DNAH5: variants seen among roughly 807,000 people sequenced by gnomAD.
DNAH5 encodes axonemal beta dynein heavy chain 5.
In DNAH5, 372 loss-of-function variants were observed where a neutral mutation model predicts 518.2. That is an observed-to-expected ratio of 0.72 (90% CI 0.66 to 0.78). The LOEUF (loss-of-function observed/expected upper bound fraction) is 0.78, where lower values mean the gene tolerates loss of function less well. Ranked by LOEUF, DNAH5 falls within the 30% of genes least tolerant of loss-of-function variation. The pLI, the probability that DNAH5 is intolerant of heterozygous loss-of-function variation, is 0.00. For synonymous variants in DNAH5, 2,039 were observed against 2,025.9 expected (o/e 1.01, Z -0.17); for missense variants, 5,523 against 5,687.0 (o/e 0.97, Z 0.93).
In DNAH5 at chr5:13,770,867, A is replaced by G; in HGVS notation, c.9487T>C (p.Tyr3163His). The G allele has an allele frequency of 2.5e-6, 4 of 1,614,060 alleles. No individual in the cohort carries two copies. Among genetic ancestry groups the G allele is most frequent in the South Asian group, 1.1e-5 (1 of 91,078 alleles). Residue 3163 changes from tyrosine (Y) to histidine (H), a missense_variant, in exon 56 of 79, where the codon TAT (tyrosine) becomes CAT (histidine). Physicochemically the swap from Tyr to His is moderately conservative, Grantham distance 83. Coordinates refer to ENST00000265104, the MANE Select transcript of DNAH5 (RefSeq NM_001369.3). ...GTAGAACGTCGGAATCTCTGAAAAT[A>G]ATCAACACACTTCTCAGCCACCCCA... is the stretch of plus-strand genomic sequence containing the variant. ...QDGVAEKCVDYFQRFRRSTHV... is the reference protein window; with the variant it reads ...QDGVAEKCVDHFQRFRRSTHV...
At chr5:13,843,015 T>G (rs772482505) in intron 32 of DNAH5, among the ~76,000 whole-genome samples, 1 of 152,224 alleles carries the variant, frequency 6.6e-6, no homozygotes, top group African/African-American at 2.4e-5. Context: ...TGGGCCATGA[T>G]GTCCTAGTGC....
intron 1 of DNAH5, among the ~76,000 whole-genome samples, chr5:13,943,359 A>T (rs1286437642): frequency 6.6e-6 from 1 of 152,250 alleles, no homozygotes; most frequent in Non-Finnish European, 1.5e-5. Context: ...CACTACAGTG[A>T]TGTGACAAGG....
intron 39 of DNAH5, 67 bp downstream of exon 39, chr5:13,824,132 C>T (rs757968186): frequency 3.0e-5 from 44 of 1,480,562 alleles, no homozygotes; most frequent in Non-Finnish European, 4.1e-5. Context: ...ATTTTGAAGT[C>T]TCATGTATGG....
intron 35 of DNAH5, among the ~76,000 whole-genome samples, chr5:13,836,435 A>G (rs1039980329): frequency 6.6e-6 from 1 of 152,172 alleles, no homozygotes; most frequent in Non-Finnish European, 1.5e-5. Context: ...AACGAGTAGG[A>G]GCAGGTACAA....
chr5:13,716,517 G>A lies in DNAH5; in HGVS notation c.12879C>T (p.Ser4293=), dbSNP rs773544560. Residue 4293 remains serine, a synonymous_variant, in exon 74 of 79, where the codon AGC becomes AGT. Coordinates refer to ENST00000265104, the MANE Select transcript of DNAH5 (RefSeq NM_001369.3). The part of the protein sequence containing the change: ...FYQGYNIPKC[S]TVDNYLQYIQ... ...TATACTGAAGATAGTTATCCACTGTGCTGCATTTTGGAATATTGTATCCTT... is the reference window on the plus strand; with the variant it reads ...TATACTGAAGATAGTTATCCACTGTACTGCATTTTGGAATATTGTATCCTT... The A allele has an allele frequency of 3.1e-6, 5 of 1,613,624 alleles. No homozygotes were observed. Among genetic ancestry groups the A allele is most frequent in the Non-Finnish European group, 3.4e-6 (4 of 1,179,740 alleles).
At chr5:13,696,281 A>G (rs74567755) in intron 78 of DNAH5, among the ~76,000 whole-genome samples, 3,166 of 152,276 alleles carry the variant, frequency 0.021, 124 homozygotes, top group African/African-American at 0.072. Flanking sequence ...CTGCTCATAT[A>G]ATAAATCTGT....
intron 1 of DNAH5, among the ~76,000 whole-genome samples, chr5:13,985,886 A>C (rs1783020371): frequency 6.6e-6 from 1 of 152,166 alleles, no homozygotes; most frequent in African/African-American, 2.4e-5. Context: ...TGTGCCAATG[A>C]CTAATCTCCA....
At chr5:13,848,108 G>A (rs1378503539) in intron 31 of DNAH5, among the ~76,000 whole-genome samples, 2 of 152,172 alleles carry the variant, frequency 1.3e-5, no homozygotes, top group African/African-American at 4.8e-5. Flanking sequence ...TAGGCTAAAT[G>A]GAATGGCGCA....
intron 1 of DNAH5, among the ~76,000 whole-genome samples, chr5:13,993,666 G>T (rs1248528725): frequency 6.6e-6 from 1 of 152,206 alleles, no homozygotes; most frequent in African/African-American, 2.4e-5. Context: ...TTCCAAAAAA[G>T]CTTCACATGC....
chr5:13,830,732 C>T lies in DNAH5; in HGVS notation c.5926G>A (p.Gly1976Arg). ...GTGCCTGCAGGTCCAGCAGGGGCTCCCCCCATGCTCATTCCCAGAGCTTGA... is the reference window on the plus strand; with the variant it reads ...GTGCCTGCAGGTCCAGCAGGGGCTCTCCCCATGCTCATTCCCAGAGCTTGA... The part of the protein sequence containing the change: ...LAQALGMSMG[G>R]APAGPAGTGK... Residue 1976 changes from glycine to arginine, a missense_variant, in exon 36 of 79, where the codon GGA (glycine) becomes AGA (arginine). By Grantham distance (125) the Gly-to-Arg change is moderately radical. Around this residue, in one of 3 missense-constraint regions of DNAH5, gnomAD observed 5,121 missense variants for 5,223.3 expected, o/e 0.98. Transcript: ENST00000265104. The T allele has an allele frequency of 2.5e-6, 4 of 1,614,120 alleles. No homozygotes were observed. Among genetic ancestry groups the T allele is most frequent in the Non-Finnish European group, 3.4e-6 (4 of 1,180,016 alleles).
chr5:13,752,001 T>C lies in DNAH5; in HGVS notation c.11028+133A>G, dbSNP rs1038792858. ...TATTTTAATCCAAAGTCAAGAAGTG[T>C]AGAAGAGAAAAACAAACCTTTCCCA... On this transcript the variant is annotated intron_variant, in intron 64 of 78. Transcript: ENST00000265104. 7.6e-6 allele frequency: 7 copies of C among 919,830 alleles called. No homozygotes were observed. In the African/African-American group the frequency reaches 9.8e-5, roughly 13 times the overall value. The allele number at this position is 919,830 out of a possible 1,614,324, so 57.0% of individuals were successfully genotyped here.
chr5:13,769,442 TA>T, intron 57 of DNAH5, 58 bp downstream of exon 57: 1 of 1,351,838 alleles, frequency 7.4e-7, no homozygotes, highest in Admixed American at 1.7e-5. Context: ...CATAGATCAT[TA>T]ACACTTGTGA....
At chr5:13,791,929 A>T in intron 50 of DNAH5, 65 bp downstream of exon 50, 1 of 1,356,068 alleles carries the variant, frequency 7.4e-7, no homozygotes, top group Non-Finnish European at 1.0e-6. Flanking sequence ...ATAAATCAAT[A>T]AAAATATTTA....
In DNAH5 at chr5:13,839,497, A is replaced by G. The variant is rs1764870807; in HGVS notation, c.5741T>C (p.Phe1914Ser). 1 of 1,613,962 alleles carries G rather than the reference A, an allele frequency of 6.2e-7. No individual in the cohort carries two copies. The highest frequency in any genetic ancestry group is 1.3e-5 in the African/African-American group (1 of 74,942). ...AAATCTGCACTGTTTCAGCCACTCA[A>G]AGTCCATGGGACTCTTGATATGCAT... ...CHMHIKSPMD[F>S]EWLKQCRFYF... is the part of the protein sequence containing the mutation. Residue 1914 changes from phenylalanine to serine, a missense_variant, in exon 35 of 79, where the codon TTT becomes TCT. Phe to Ser is a radical substitution (Grantham distance 155, BLOSUM62 -2). Around this residue, in one of 3 missense-constraint regions of DNAH5, gnomAD observed 5,121 missense variants for 5,223.3 expected, o/e 0.98. Coordinates refer to ENST00000265104, the MANE Select transcript of DNAH5 (RefSeq NM_001369.3).
At chr5:13,942,318 C>T (rs1779535988) in intron 1 of DNAH5, among the ~76,000 whole-genome samples, 2 of 152,018 alleles carry the variant, frequency 1.3e-5, no homozygotes, top group Admixed American at 6.5e-5. Context: ...CAGACCTTAG[C>T]GTGGAACTTA....
intron 1 of DNAH5, among the ~76,000 whole-genome samples, chr5:13,988,089 T>C (rs1006293593): frequency 2.6e-5 from 4 of 152,190 alleles, no homozygotes; most frequent in Non-Finnish European, 5.9e-5. Flanking sequence ...CCTCCGCTCT[T>C]ATTTTGGTTG....
At chr5:13,919,143 C>T in intron 7 of DNAH5, 33 bp downstream of exon 7, 3 of 1,613,710 alleles carry the variant, frequency 1.9e-6, no homozygotes, top group African/African-American at 1.3e-5. Flanking sequence ...CTCTTATTCC[C>T]ATTTCACAAG....
rs199841746 is a variant in DNAH5 at position 13,778,596 on chromosome 5, A to AAGAGAGAGAGAGAAAGAAAG, written c.8952-1242_8952-1241insCTTTCTTTCTCTCTCTCTCT. 2.1e-3 allele frequency among the ~76,000 whole-genome samples: 211 copies of AAGAGAGAGAGAGAAAGAAAG among 102,206 alleles called. 2 individuals carry two copies. Among genetic ancestry groups the AAGAGAGAGAGAGAAAGAAAG allele is most frequent in the African/African-American group, 7.4e-3 (200 of 26,860 alleles). 67.1% of individuals were successfully genotyped at this position (102,206 alleles called of 152,430 possible). A position where few individuals can be genotyped will look rare whatever the true frequency, so the allele number is the denominator to read the frequency against. ...AAAGAAAGAAAGAAAGAAAGAAAGA[A>AAGAGAGAGAGAGAAAGAAAG]AGAGAGAGAGAAAGAAAAAGAAAGA... On this transcript the variant is annotated intron_variant, in intron 53 of 78. Transcript: ENST00000265104.
intron 4 of DNAH5, among the ~76,000 whole-genome samples, chr5:13,922,912 T>G (rs1165197131): frequency 6.6e-6 from 1 of 151,968 alleles, no homozygotes; most frequent in Non-Finnish European, 1.5e-5. Flanking sequence ...ACAGATGCAT[T>G]TTACTTTGCA....
Sources: allele counts gnomAD v4.1 joint callset (sites outside exome capture counted in the v4.1 genomes callset), GRCh38; gene constraint gnomAD v4.1.1; regional missense constraint gnomAD v4.1.1; transcripts MANE v1.5; gene names NCBI Gene and HGNC (gene_info 2026-07-23, HGNC 2026-07-21).